FAM234B: variants seen among roughly 807,000 people sequenced by gnomAD.
The protein encoded by FAM234B is family with sequence similarity 234 member B.
FAM234B carries 33 observed loss-of-function variants against 69.3 expected under a neutral mutation model. The ratio of observed to expected loss-of-function variants is 0.48; its 90% CI spans 0.36 to 0.64. The LOEUF is 0.64. Among genes scored for constraint, FAM234B ranks in the 30% least tolerant of loss-of-function variants. The pLI is 0.00. For missense variants in FAM234B, 697 were observed against 769.7 expected, an observed-to-expected ratio of 0.91 and a Z score of 1.12; for synonymous variants, 306 against 306.9, an observed-to-expected ratio of 1.00 and a Z score of 0.03.
In FAM234B at chr12:13,061,623, G is replaced by C; in HGVS notation, c.581G>C (p.Gly194Ala). 1 of 1,613,918 alleles carries C rather than the reference G, an allele frequency of 6.2e-7. No homozygotes were observed. The highest frequency in any genetic ancestry group is 8.5e-7 in the Non-Finnish European group (1 of 1,179,954). The change falls in exon 4 of 13, where the codon GGC becomes GCC. Residue 194 changes from glycine (G) to alanine (A), a missense_variant. Physicochemically the swap from Gly to Ala is moderately conservative, Grantham distance 60. Around this residue, in one of 3 missense-constraint regions of FAM234B, gnomAD observed 380 missense variants for 447.1 expected, o/e 0.85. Coordinates refer to ENST00000197268, the MANE Select transcript of FAM234B (RefSeq NM_020853.2). ...CTTGTATGCCTTTCGGGGATGAATG[G>C]CAGCACACTGTGGTCTAGTCTTCTC... The part of the protein sequence containing the change: ...ANLVCLSGMN[G>A]STLWSSLLPE...
rs1864954494 is a variant in FAM234B at position 13,058,497 on chromosome 12, C to T, written c.480C>T (p.Gly160=). ...PLELADVNGD[G]LRDVLLSFVM... is the part of the protein sequence containing the mutation. Reference sequence around the variant, plus strand: ...AATTGGCTGATGTGAATGGAGATGGCCTGCGTGATGTGCTTCTCTCCTTTG... The same window carrying T: ...AATTGGCTGATGTGAATGGAGATGGTCTGCGTGATGTGCTTCTCTCCTTTG... The change falls in exon 3 of 13, where the codon GGC becomes GGT. Residue 160 remains glycine (G), a synonymous_variant. Transcript: ENST00000197268. 1 of 1,613,878 alleles carries T rather than the reference C, an allele frequency of 6.2e-7. No homozygotes were observed. The highest frequency in any genetic ancestry group is 8.5e-7 in the Non-Finnish European group (1 of 1,179,922).
At chr12:13,049,891 C>T (rs922304802) in intron 1 of FAM234B, among the ~76,000 whole-genome samples, 4 of 151,984 alleles carry the variant, frequency 2.6e-5, no homozygotes. Context: ...CTAAACATGG[C>T]TCCTTTCTGA....
intron 3 of FAM234B, among the ~76,000 whole-genome samples, chr12:13,059,784 G>A (rs1389030127): frequency 6.6e-6 from 1 of 152,182 alleles, no homozygotes; most frequent in Non-Finnish European, 1.5e-5. Flanking sequence ...GTAGATTTCC[G>A]TGCAATCAAA....
intron 1 of FAM234B, among the ~76,000 whole-genome samples, chr12:13,046,360 T>C (rs1864811856): frequency 6.6e-6 from 1 of 152,230 alleles, no homozygotes; most frequent in South Asian, 2.1e-4. Context: ...TCTTTTTGGC[T>C]CCCCTGTAAT....
intron 12 of FAM234B, 27 bp from the exon 13 acceptor site, chr12:13,080,597 TA>T: frequency 6.3e-7 from 1 of 1,591,540 alleles, no homozygotes; most frequent in African/African-American, 1.3e-5. Flanking sequence ...TGAAAAACAA[TA>T]AAGTCACGAT....
At chr12:13,054,134 G>A (rs1363945876) in intron 1 of FAM234B, among the ~76,000 whole-genome samples, 1 of 152,166 alleles carries the variant, frequency 6.6e-6, no homozygotes, top group Non-Finnish European at 1.5e-5. Flanking sequence ...TTGTACAATA[G>A]TGGTCCTGAG....
In FAM234B at chr12:13,044,564, T is replaced by G; in HGVS notation, c.37+124T>G. 9.5e-7 allele frequency: 1 copy of G among 1,051,762 alleles called. No homozygotes were observed. Among genetic ancestry groups the G allele is most frequent in the Admixed American group, 2.3e-5 (1 of 44,388 alleles). 65.2% of individuals were successfully genotyped at this position (1,051,762 alleles called of 1,614,324 possible). A position where few individuals can be genotyped will look rare whatever the true frequency, so the allele number is the denominator to read the frequency against. The stretch of plus-strand genomic sequence containing the variant: ...CCCAGACTCAGCTGCAGGCGCCCGG[T>G]GCCGAGGAGGGTGCAGTCCCTTGGG... On this transcript the variant is annotated intron_variant, in intron 1 of 12. Coordinates refer to ENST00000197268, the MANE Select transcript of FAM234B (RefSeq NM_020853.2). This position sits in a 1 kb window ranked among gnomAD's most constrained non-coding sequence, Gnocchi z 5.6.
At chr12:13,071,530 T>C in intron 10 of FAM234B, 134 bp downstream of exon 10, 1 of 803,454 alleles carries the variant, frequency 1.2e-6, no homozygotes, top group South Asian at 1.8e-5. Flanking sequence ...CAGCACTCGC[T>C]GGAGAAAAGC....
rs1864954451 is a variant in FAM234B, at chr12:13,058,495, G to A, written c.478G>A (p.Gly160Ser). The part of the protein sequence containing the change: ...PLELADVNGD[G>S]LRDVLLSFVM... ...GGAATTGGCTGATGTGAATGGAGAT[G>A]GCCTGCGTGATGTGCTTCTCTCCTT... Residue 160 changes from glycine (G) to serine (S), a missense_variant, in exon 3 of 13, where the codon GGC becomes AGC. Physicochemically the swap from Gly to Ser is moderately conservative, Grantham distance 56. Coordinates refer to ENST00000197268, the MANE Select transcript of FAM234B (RefSeq NM_020853.2). 1.2e-6 allele frequency: 2 copies of A among 1,614,118 alleles called. No individual in the cohort carries two copies. The highest frequency in any genetic ancestry group is 2.7e-5 in the African/African-American group (2 of 75,028).
intron 10 of FAM234B, 131 bp downstream of exon 10, chr12:13,071,527 C>T (rs375919474): frequency 3.4e-5 from 28 of 816,888 alleles, no homozygotes; most frequent in Middle Eastern, 3.8e-4. Flanking sequence ...AGTCAGCACT[C>T]GCTGGAGAAA....
chr12:13,067,167 CTGT>C lies in FAM234B; in HGVS notation c.1014_1016del (p.Val339del). 6.2e-7 allele frequency: 1 copy of C among 1,614,028 alleles called. No individual in the cohort carries two copies. Among genetic ancestry groups the C allele is most frequent in the South Asian group, 1.1e-5 (1 of 91,074 alleles). ...TCTGTGGTGCTAGGAAATATACAAG[CTGT>C]CGCACTGCGGGACATTTTTGTTCAG... On this transcript the variant is annotated inframe_deletion, in exon 7 of 13. Transcript: ENST00000197268. The surrounding 1 kb of genome is among the most constrained non-coding windows in gnomAD (Gnocchi z 4.7).
intron 5 of FAM234B, 29 bp downstream of exon 5, chr12:13,063,004 T>G (rs1242973142): frequency 1.3e-5 from 21 of 1,611,148 alleles, no homozygotes; most frequent in Non-Finnish European, 1.6e-5. Flanking sequence ...GTTTTTTGTT[T>G]CTTATAGGGA....
At chr12:13,059,712 C>T (rs1212541276) in intron 3 of FAM234B, among the ~76,000 whole-genome samples, 1 of 152,140 alleles carries the variant, frequency 6.6e-6, no homozygotes, top group Non-Finnish European at 1.5e-5. Flanking sequence ...TTCTGAGGCC[C>T]ACATGAGATG....
In FAM234B at chr12:13,082,623, T is replaced by C. The variant is rs911387792; in HGVS notation, c.*1993T>C. On this transcript the variant is annotated 3_prime_UTR_variant, in exon 13 of 13. Coordinates refer to ENST00000197268, the MANE Select transcript of FAM234B (RefSeq NM_020853.2). ...GGGCCTGGGACCTAATTTGGTTTAG[T>C]ATAGAATTTGAAGAATTAATTTATA... 1 of 152,192 alleles carries C rather than the reference T, an allele frequency of 6.6e-6. No individual in the cohort carries two copies. Among genetic ancestry groups the C allele is most frequent in the African/African-American group, 2.4e-5 (1 of 41,434 alleles). The allele number at this position is 152,192 out of a possible 1,614,324, so 9.4% of individuals were successfully genotyped here. A position where few individuals can be genotyped will look rare whatever the true frequency, so the allele number is the denominator to read the frequency against.
At chr12:13,057,606 T>A (rs1457299239) in intron 2 of FAM234B, among the ~76,000 whole-genome samples, 1 of 152,236 alleles carries the variant, frequency 6.6e-6, no homozygotes, top group Non-Finnish European at 1.5e-5. Context: ...TTATTAGCAG[T>A]TTATGTTAAA....
At chr12:13,058,617 T>A in intron 3 of FAM234B, 68 bp downstream of exon 3, 1 of 1,319,050 alleles carries the variant, frequency 7.6e-7, no homozygotes, top group Non-Finnish European at 1.1e-6. Context: ...ATCAGAGCTG[T>A]GTCCCAAGTG....
Position 13,080,917 on chromosome 12 carries a change from A to G in FAM234B, c.*287A>G, listed in dbSNP as rs3741816. 1 of 351,712 alleles carries G rather than the reference A, an allele frequency of 2.8e-6. No individual in the cohort carries two copies. The highest frequency in any genetic ancestry group is 5.1e-6 in the Non-Finnish European group (1 of 196,842). The allele number at this position is 351,712 out of a possible 1,614,324, so 21.8% of individuals were successfully genotyped here. On this transcript the variant is annotated 3_prime_UTR_variant, in exon 13 of 13. Coordinates refer to ENST00000197268, the MANE Select transcript of FAM234B (RefSeq NM_020853.2). ...CTCTTAAGTATTTAATTTTTTTGGTATGTCTAATTTATGAAGTCTTGCTGG... is the reference window on the plus strand; with the variant it reads ...CTCTTAAGTATTTAATTTTTTTGGTGTGTCTAATTTATGAAGTCTTGCTGG...
intron 3 of FAM234B, among the ~76,000 whole-genome samples, chr12:13,058,852 G>C (rs551186142): frequency 2.0e-5 from 3 of 152,160 alleles, no homozygotes; most frequent in African/African-American, 7.2e-5. Context: ...GTTAGTCCTC[G>C]GGTTCCTTGG....
chr12:13,075,235 A>T (rs915387903), intron 10 of FAM234B, among the ~76,000 whole-genome samples: 1 of 152,160 alleles, frequency 6.6e-6, no homozygotes, highest in Non-Finnish European at 1.5e-5. Context: ...TTTTAGCCTG[A>T]TGCTTGCAGT....
Sources: allele counts gnomAD v4.1 joint callset (sites outside exome capture counted in the v4.1 genomes callset), GRCh38; gene constraint gnomAD v4.1.1; regional missense constraint gnomAD v4.1.1; non-coding constraint Gnocchi (gnomAD v3.1); transcripts MANE v1.5; gene names NCBI Gene and HGNC (gene_info 2026-07-23, HGNC 2026-07-21).